The following CACNB3 variants were observed in gnomAD, a reference collection of about 807,000 sequenced individuals.
CACNB3 encodes the protein voltage-dependent L-type calcium channel subunit beta-3.
A neutral mutation model predicts 63.7 loss-of-function variants in CACNB3; 36 were observed. That is an observed-to-expected ratio of 0.57 (90% confidence interval 0.43 to 0.75). The LOEUF is 0.75. Among genes scored for constraint, CACNB3 ranks in the 30% least tolerant of loss-of-function variants. The pLI is 0.00. For missense variants in CACNB3, 493 were observed against 648.6 expected (o/e 0.76, Z 2.61); for synonymous variants, 241 against 250.6 (o/e 0.96, Z 0.36).
upstream of CACNB3, chr12:48,818,485 C>T (rs1942347335): frequency 2.0e-6 from 2 of 998,456 alleles, no homozygotes; most frequent in African/African-American, 1.7e-5. This position sits in a 1 kb window ranked among gnomAD's most constrained non-coding sequence, Gnocchi z 4.3. Flanking sequence ...GCCCTGCCCG[C>T]AGCCTCTCCT....
chr12:48,814,846 G>C, upstream of CACNB3: 1 of 352,916 alleles, frequency 2.8e-6, no homozygotes, highest in East Asian at 4.2e-5. This position sits in a 1 kb window ranked among gnomAD's most constrained non-coding sequence, Gnocchi z 6.9. Flanking sequence ...TGTAGCCGCC[G>C]GGCCAGCGAG....
rs938432679 is a variant in CACNB3 at position 48,826,925 on chromosome 12, G to T, written c.991-49G>T. 2 of 1,613,214 alleles carry T rather than the reference G, an allele frequency of 1.2e-6. No homozygotes were observed. Among genetic ancestry groups the T allele is most frequent in the African/African-American group, 2.7e-5 (2 of 74,900 alleles). ...GCGGCAGTGATAGAGATGGGTGGGG[G>T]GCTGCTACTGAGGGGAAACCAACGT... On this transcript the variant is annotated intron_variant, in intron 11 of 12. Transcript: ENST00000301050. The surrounding 1 kb of genome is among the most constrained non-coding windows in gnomAD (Gnocchi z 4.8).
In CACNB3 at chr12:48,826,389, G is replaced by A. The variant is rs1453319211; in HGVS notation, c.765G>A (p.Glu255=). 1 of 1,614,160 alleles carries A rather than the reference G, an allele frequency of 6.2e-7. No homozygotes were observed. The highest frequency in any genetic ancestry group is 2.2e-5 in the East Asian group (1 of 44,882). ...TAGCGGAAGTGCAGAGTGAGATCGA[G>A]CGCATATTTGAGCTGGCCAAATCCC... is the stretch of plus-strand genomic sequence containing the variant. ...SSIAEVQSEI[E]RIFELAKSLQ... is the part of the protein sequence containing the mutation. The change falls in exon 10 of 13, where the codon GAG becomes GAA. Residue 255 remains glutamate, a synonymous_variant. Coordinates refer to ENST00000301050, the MANE Select transcript of CACNB3 (RefSeq NM_000725.4). The surrounding 1 kb of genome is among the most constrained non-coding windows in gnomAD (Gnocchi z 4.8).
rs746984571 is a variant in CACNB3, at chr12:48,825,403, G to A, written c.574-31G>A. The A allele has an allele frequency of 3.7e-6, 6 of 1,613,196 alleles. No individual in the cohort carries two copies. Among genetic ancestry groups the A allele is most frequent in the Non-Finnish European group, 5.1e-6 (6 of 1,179,332 alleles). The stretch of plus-strand genomic sequence containing the variant: ...TGGGGAGGCTGCTTCTCTCCAAAGG[G>A]GCCCTTCATCAGTGCCATGCCTTCC... On this transcript the variant is annotated intron_variant, in intron 7 of 12. Coordinates refer to ENST00000301050, the MANE Select transcript of CACNB3 (RefSeq NM_000725.4). This position sits in a 1 kb window ranked among gnomAD's most constrained non-coding sequence, Gnocchi z 4.5.
Position 48,827,622 on chromosome 12 carries a change from C to G in CACNB3, c.1178C>G (p.Ser393Cys), listed in dbSNP as rs749648436. 1.0e-4 allele frequency: 163 copies of G among 1,613,302 alleles called. No homozygotes were observed. The highest frequency in any genetic ancestry group is 1.4e-4 in the Non-Finnish European group (161 of 1,179,874). ...QLLGERGEEHSPLERDSLMPS... is the reference protein window; with the variant it reads ...QLLGERGEEHCPLERDSLMPS... ...CTGGGGGAGCGTGGCGAGGAGCACT[C>G]CCCCCTTGAGCGGGACAGCTTGATG... The change falls in exon 13 of 13, where the codon TCC becomes TGC. Residue 393 changes from serine (S) to cysteine (C), a missense_variant. Physicochemically the swap from Ser to Cys is moderately radical, Grantham distance 112 (BLOSUM62 -1). Coordinates refer to ENST00000301050, the MANE Select transcript of CACNB3 (RefSeq NM_000725.4).
Position 48,825,761 on chromosome 12 carries a change from C to T in CACNB3, c.734C>T (p.Ser245Phe), listed in dbSNP as rs746432645. Residue 245 changes from serine to phenylalanine, a missense_variant, in exon 9 of 13, where the codon TCC becomes TTC. Transcript: ENST00000301050. The surrounding 1 kb of genome is among the most constrained non-coding windows in gnomAD (Gnocchi z 4.5). ...ATCATTGAGCGCTCCTCTGCCCGCT[C>T]CAGCATTGGTGAGAAGTCCCCACCA... ...RTIIERSSAR[S>F]SIAEVQSEIE... The T allele has an allele frequency of 6.2e-7, 1 of 1,612,876 alleles. No homozygotes were observed. The highest frequency in any genetic ancestry group is 1.7e-5 in the Admixed American group (1 of 60,020).
chr12:48,814,780 C>G (rs956767416), upstream of CACNB3: 4 of 426,542 alleles, frequency 9.4e-6, no homozygotes, highest in Non-Finnish European at 1.6e-5. The surrounding 1 kb of genome is among the most constrained non-coding windows in gnomAD (Gnocchi z 6.9). Context: ...CTGGCAGGGC[C>G]GGACCCTGCG....
upstream of CACNB3, among the ~76,000 whole-genome samples, chr12:48,816,259 C>T (rs577538744): frequency 6.6e-6 from 1 of 152,302 alleles, no homozygotes; most frequent in East Asian, 1.9e-4. Context: ...TATTCCAGCT[C>T]CCAAACCTGA....
upstream of CACNB3, chr12:48,815,730 T>A: frequency 1.2e-6 from 1 of 825,258 alleles, no homozygotes; most frequent in Non-Finnish European, 1.8e-6. Context: ...CTGAACGAGG[T>A]AACCGTGGGG....
upstream of CACNB3, chr12:48,814,645 C>T (rs1288861138): frequency 1.9e-5 from 24 of 1,293,738 alleles, no homozygotes; most frequent in Middle Eastern, 3.9e-4. This position sits in a 1 kb window ranked among gnomAD's most constrained non-coding sequence, Gnocchi z 6.9. Context: ...GGGTCTCCTA[C>T]TGGGGGTCTC....
chr12:48,815,603 G>A, upstream of CACNB3: 3 of 1,531,872 alleles, frequency 2.0e-6, no homozygotes, highest in Non-Finnish European at 2.6e-6. Flanking sequence ...GCAGGCGGGA[G>A]CAGCGTGCAG....
upstream of CACNB3, among the ~76,000 whole-genome samples, chr12:48,816,631 C>T (rs1046382272): frequency 2.6e-5 from 4 of 152,226 alleles, no homozygotes; most frequent in African/African-American, 7.2e-5. Flanking sequence ...GTATGAGGAG[C>T]TTGAACCCAT....
Position 48,827,903 on chromosome 12 carries a change from C to T in CACNB3, c.*4C>T. On this transcript the variant is annotated 3_prime_UTR_variant, in exon 13 of 13. Transcript: ENST00000301050. ...TTGGCCCAAGGATAGCTACTGACAG[C>T]CTCCTGCTGCCCTACCCTGGCAGGC... 1 of 1,610,644 alleles carries T rather than the reference C, an allele frequency of 6.2e-7. No homozygotes were observed. Among genetic ancestry groups the T allele is most frequent in the Non-Finnish European group, 8.5e-7 (1 of 1,177,494 alleles).
intron 4 of CACNB3, 103 bp from the exon 5 acceptor site, chr12:48,824,562 CTAGA>C (rs759832862): frequency 2.1e-5 from 25 of 1,197,768 alleles, no homozygotes; most frequent in East Asian, 9.4e-5. Flanking sequence ...ACCTGTCTCA[CTAGA>C]TAAAGCATAT....
chr12:48,824,651 A>T lies in CACNB3; in HGVS notation c.408-18A>T. On this transcript the variant is annotated intron_variant, in intron 4 of 12. Coordinates refer to ENST00000301050, the MANE Select transcript of CACNB3 (RefSeq NM_000725.4). ...ACACATTCTTCTCTCTCTCTCTTTC[A>T]CCTCCCTTTCTTCTCAGGAGATCTG... The T allele has an allele frequency of 6.2e-7, 1 of 1,607,324 alleles. No individual in the cohort carries two copies. Among genetic ancestry groups the T allele is most frequent in the African/African-American group, 1.3e-5 (1 of 74,218 alleles).
At position 48,818,946 on chromosome 12, in the gene CACNB3, A is replaced by ACGTGCC. The variant is rs761831253; in HGVS notation, c.20_25dup (p.Val7_Pro8dup). On this transcript the variant is annotated inframe_insertion, in exon 1 of 13. Transcript: ENST00000301050. This position sits in a 1 kb window ranked among gnomAD's most constrained non-coding sequence, Gnocchi z 4.3. ...GACTCCCCCATGTATGACGACTCCT[A>ACGTGCC]CGTGCCCGGGTTTGAGGACTCGGAG... The ACGTGCC allele has an allele frequency of 3.1e-6, 5 of 1,600,692 alleles. No homozygotes were observed. Among genetic ancestry groups the ACGTGCC allele is most frequent in the Non-Finnish European group, 4.3e-6 (5 of 1,173,972 alleles).
In CACNB3 at chr12:48,828,845, A is replaced by T; in HGVS notation, c.*946A>T. ...GCACAGAGGACCTGTCTCCCCGGCT[A>T]CTCTTGCCTTATGGCTCTAGTGTGT... On this transcript the variant is annotated 3_prime_UTR_variant, in exon 13 of 13. Transcript: ENST00000301050. The T allele has an allele frequency of 2.2e-6, 1 of 444,886 alleles. No individual in the cohort carries two copies. Among genetic ancestry groups the T allele is most frequent in the South Asian group, 1.6e-5 (1 of 62,938 alleles). 27.6% of individuals were successfully genotyped at this position (444,886 alleles called of 1,614,324 possible).
upstream of CACNB3, chr12:48,815,735 G>A (rs1942270062): frequency 2.1e-6 from 3 of 1,432,752 alleles, no homozygotes; most frequent in South Asian, 1.2e-5. Flanking sequence ...CGAGGTAACC[G>A]TGGGGGGGGT....
At chr12:48,816,457 C>A (rs1324081888), upstream of CACNB3, among the ~76,000 whole-genome samples, 2 of 152,214 alleles carry the variant, frequency 1.3e-5, no homozygotes, top group Non-Finnish European at 2.9e-5. Context: ...TGGACACTGA[C>A]AGGCACATGT....
Sources: gnomAD v4.1 joint callset for allele counts (sites outside exome capture counted in the v4.1 genomes callset) on GRCh38, gnomAD v4.1.1 for gene constraint, Gnocchi (gnomAD v3.1) non-coding constraint, MANE v1.5 for transcripts, NCBI Gene and HGNC (gene_info 2026-07-23, HGNC 2026-07-21) for gene names.